The following ACTR3C variants were observed in gnomAD, a reference collection of about 807,000 sequenced individuals.
The protein encoded by ACTR3C is actin-related protein 3C.
ACTR3C carries 18 observed loss-of-function variants against 26.3 expected under a neutral mutation model. The observed-to-expected ratio is 0.68, with a 90% CI of 0.47 to 1.01. ACTR3C has a LOEUF of 1.01. ACTR3C is among the 50% of genes least tolerant of loss of function. ACTR3C has a pLI of 0.00. For synonymous variants in ACTR3C, 55 were observed against 94.5 expected (o/e 0.58, Z 2.42); for missense variants, 184 against 250.7 (o/e 0.73, Z 1.80).
At chr7:150,123,947 G>A in the ACTR3C span, among the ~76,000 whole-genome samples, 1 of 152,052 alleles carries the variant, frequency 6.6e-6, no homozygotes, top group African/African-American at 2.4e-5. Flanking sequence ...TGTGAGGGAG[G>A]GGCCCAGTGG....
At chr7:149,930,862 A>G in the ACTR3C span, among the ~76,000 whole-genome samples, 1 of 151,060 alleles carries the variant, frequency 6.6e-6, no homozygotes, top group Non-Finnish European at 1.5e-5. Flanking sequence ...GTTCACTGCA[A>G]CCTCTGCCTT....
the ACTR3C span, among the ~76,000 whole-genome samples, chr7:149,901,264 A>G: frequency 1.3e-5 from 2 of 151,880 alleles, no homozygotes; most frequent in Middle Eastern, 3.4e-3. Flanking sequence ...ATAATTCTGT[A>G]ACTTTATTAC....
At chr7:150,240,621 T>A (rs149511185), downstream of ACTR3C, among the ~76,000 whole-genome samples, 554 of 152,158 alleles carry the variant, frequency 3.6e-3, 1 homozygote, top group Non-Finnish European at 5.2e-3. Flanking sequence ...AGAGTGGAAA[T>A]GTGATATGGG....
chr7:150,320,161 G>T (rs1367368582), intron 1 of ACTR3C, among the ~76,000 whole-genome samples: 1 of 152,264 alleles, frequency 6.6e-6, no homozygotes, highest in Non-Finnish European at 1.5e-5. Context: ...CCCAAGGGCA[G>T]GTTCTTGGAT....
chr7:150,255,418 A>G (rs1458645229), intron 6 of ACTR3C, among the ~76,000 whole-genome samples: 2 of 152,040 alleles, frequency 1.3e-5, no homozygotes, highest in Non-Finnish European at 2.9e-5. Flanking sequence ...TCTTCCTGAA[A>G]TCTAGACCTT....
intron 6 of ACTR3C, among the ~76,000 whole-genome samples, chr7:150,275,341 A>G (rs1168004753): frequency 6.6e-6 from 1 of 152,260 alleles, no homozygotes; most frequent in Non-Finnish European, 1.5e-5. Context: ...TAGCATATGA[A>G]ACATAAATAC....
chr7:150,036,847 T>TG, the ACTR3C span, among the ~76,000 whole-genome samples: 59 of 120,192 alleles, frequency 4.9e-4, 3 homozygotes, highest in African/African-American at 9.9e-4. Flanking sequence ...GGAGCAACGA[T>TG]GGGGGGTCCT....
the ACTR3C span, among the ~76,000 whole-genome samples, chr7:150,126,899 T>A: frequency 6.6e-6 from 1 of 152,142 alleles, no homozygotes; most frequent in Non-Finnish European, 1.5e-5. Flanking sequence ...TACACCAGCC[T>A]TTCCCTAAGA....
the ACTR3C span, among the ~76,000 whole-genome samples, chr7:150,197,976 T>G: frequency 1.3e-5 from 2 of 150,862 alleles, no homozygotes; most frequent in African/African-American, 2.5e-5. Flanking sequence ...TGCCTCAGCC[T>G]GCCGAGTGCC....
the ACTR3C span, among the ~76,000 whole-genome samples, chr7:150,210,918 T>C: frequency 1.4e-5 from 2 of 147,028 alleles, no homozygotes; most frequent in Admixed American, 6.6e-5. Flanking sequence ...CTAAACATGG[T>C]ATCCAGTGTT....
At chr7:150,307,994 C>T (rs1015290636) in intron 1 of ACTR3C, among the ~76,000 whole-genome samples, 1 of 152,206 alleles carries the variant, frequency 6.6e-6, no homozygotes, top group African/African-American at 2.4e-5. Context: ...CACGTTTTAT[C>T]TGTGGACTCC....
chr7:150,096,251 A>G, the ACTR3C span, among the ~76,000 whole-genome samples: 1 of 150,494 alleles, frequency 6.6e-6, no homozygotes, highest in Non-Finnish European at 1.5e-5. Context: ...AAAACAATGC[A>G]TAGATATCTC....
At chr7:150,201,077 A>G in the ACTR3C span, among the ~76,000 whole-genome samples, 1 of 152,226 alleles carries the variant, frequency 6.6e-6, no homozygotes, top group Admixed American at 6.5e-5. Context: ...TGAGAATTCT[A>G]CACCTAGATT....
chr7:150,188,186 GA>G, the ACTR3C span, among the ~76,000 whole-genome samples: 1 of 152,106 alleles, frequency 6.6e-6, no homozygotes, highest in African/African-American at 2.4e-5. Flanking sequence ...GTTCTTTCCA[GA>G]ACATTATATA....
At chr7:150,099,691 C>T in the ACTR3C span, among the ~76,000 whole-genome samples, 3 of 151,676 alleles carry the variant, frequency 2.0e-5, no homozygotes, top group African/African-American at 7.3e-5. Context: ...AGAACTGCCC[C>T]CACCTTGTCA....
chr7:149,925,292 T>A, the ACTR3C span, among the ~76,000 whole-genome samples: 1 of 152,354 alleles, frequency 6.6e-6, no homozygotes, highest in South Asian at 2.1e-4. Context: ...GTTCATTAAA[T>A]TAATTTTTAA....
the ACTR3C span, among the ~76,000 whole-genome samples, chr7:150,232,296 A>AT: frequency 3.8e-4 from 58 of 152,058 alleles, no homozygotes; most frequent in East Asian, 3.1e-3. Flanking sequence ...ATATAGTTGG[A>AT]TTTTTTTTAC....
chr7:150,058,943 A>C, the ACTR3C span, among the ~76,000 whole-genome samples: 1 of 152,048 alleles, frequency 6.6e-6, no homozygotes. Flanking sequence ...AAAACAAACA[A>C]ACATGAGAAG....
At chr7:150,230,972 C>T in the ACTR3C span, among the ~76,000 whole-genome samples, 1 of 151,600 alleles carries the variant, frequency 6.6e-6, no homozygotes, top group Non-Finnish European at 1.5e-5. Context: ...AATTGTTTTC[C>T]TGTTTTAGAT....
Sources: gnomAD v4.1 joint callset for allele counts (sites outside exome capture counted in the v4.1 genomes callset) on GRCh38, gnomAD v4.1.1 for gene constraint, MANE v1.5 for transcripts, NCBI Gene and HGNC (gene_info 2026-07-23, HGNC 2026-07-21) for gene names.